Variants in SNRPN observed in about 807,000 individuals in gnomAD.
SNRPN encodes the protein small nuclear ribonucleoprotein-associated protein N.
SNRPN carries 7 observed loss-of-function variants against 25.2 expected under a neutral mutation model. That is an observed-to-expected ratio of 0.28 (90% confidence interval 0.16 to 0.52). The LOEUF is 0.52. SNRPN is among the 20% of genes least tolerant of loss of function. The pLI is 0.96. For missense variants in SNRPN, 196 were observed against 322.5 expected (o/e 0.61, Z 3.00); for synonymous variants, 124 against 110.6 (o/e 1.12, Z -0.76).
At chr15:24,974,921 G>C (rs950330414) in intron 4 of SNRPN, 20 of 702,834 alleles carry the variant, frequency 2.8e-5, no homozygotes, top group Non-Finnish European at 4.4e-5. Flanking sequence ...GATTCCACCA[G>C]TGGTGAAGGA....
intron 2 of SNRPN, among the ~76,000 whole-genome samples, chr15:24,967,469 A>G (rs1296842530): frequency 6.6e-6 from 1 of 151,904 alleles, no homozygotes; most frequent in Admixed American, 6.6e-5. Context: ...GTGAAACCCC[A>G]TCTCTACTAA....
chr15:24,856,243 C>G (rs6576390), upstream of SNRPN, among the ~76,000 whole-genome samples: 21,630 of 152,162 alleles, frequency 0.14, 1,763 homozygotes, highest in African/African-American at 0.22. Context: ...GAATAAAGAG[C>G]AGAATTTAGA....
intron 2 of SNRPN, among the ~76,000 whole-genome samples, chr15:24,901,798 C>T (rs1422499816): frequency 3.3e-5 from 5 of 152,014 alleles, no homozygotes; most frequent in Non-Finnish European, 5.9e-5. Flanking sequence ...TCCAAGTGCA[C>T]AGAACATAGG....
At chr15:24,893,940 C>T (rs185608759) in intron 2 of SNRPN, among the ~76,000 whole-genome samples, 1 of 152,292 alleles carries the variant, frequency 6.6e-6, no homozygotes, top group East Asian at 1.9e-4. Context: ...ATCCGTAAGC[C>T]TTTTATGACT....
intron 2 of SNRPN, chr15:24,848,266 G>GGGCGGGGGCGGCGGCGGGGT (rs1325326393): frequency 7.0e-6 from 1 of 142,358 alleles, no homozygotes; most frequent in Non-Finnish European, 1.5e-5. Context: ...GGGGGCGGGG[G>GGGCGGGGGCGGCGGCGGGGT]CGGGGGCAGA....
chr15:24,861,094 G>A (rs2053944612), intron 1 of SNRPN, among the ~76,000 whole-genome samples: 2 of 152,196 alleles, frequency 1.3e-5, no homozygotes, highest in Non-Finnish European at 2.9e-5. Flanking sequence ...GGGCAACAGA[G>A]TGAGACCCCA....
intron 2 of SNRPN, among the ~76,000 whole-genome samples, chr15:24,896,706 T>C (rs1206803056): frequency 6.7e-6 from 1 of 150,366 alleles, no homozygotes; most frequent in African/African-American, 2.5e-5. Context: ...AGAGCGAGAC[T>C]CCGTCTAAAA....
intron 1 of SNRPN, among the ~76,000 whole-genome samples, chr15:24,959,837 G>A (rs1458022493): frequency 1.3e-5 from 2 of 152,204 alleles, no homozygotes; most frequent in Non-Finnish European, 1.5e-5. Context: ...CTAGGAACAC[G>A]TATAATACGT....
At chr15:24,918,496 G>GTGTATATATAACATAATATATATGTT (rs2059714885) in intron 2 of SNRPN, among the ~76,000 whole-genome samples, 2 of 126,608 alleles carry the variant, frequency 1.6e-5, no homozygotes, top group Non-Finnish European at 3.3e-5. Context: ...ATATATATGT[G>GTGTATATATAACATAATATATATGTT]TGTATATATA....
At chr15:24,923,881 ATGTGTGTGTGTG>A (rs58343685) in intron 3 of SNRPN, among the ~76,000 whole-genome samples, 38 of 106,124 alleles carry the variant, frequency 3.6e-4, no homozygotes, top group Admixed American at 1.1e-3. Flanking sequence ...AGTGCCGTGT[ATGTGTGTGTGTG>A]TGTGTGTGTG....
chr15:24,909,453 C>G, intron 2 of SNRPN: 2 of 1,586,794 alleles, frequency 1.3e-6, no homozygotes, highest in Non-Finnish European at 1.7e-6. Context: ...CCAGTCACCT[C>G]CACTTGGCCT....
At chr15:24,972,830 G>A (rs1336615472) in intron 3 of SNRPN, among the ~76,000 whole-genome samples, 1 of 152,054 alleles carries the variant, frequency 6.6e-6, no homozygotes, top group Non-Finnish European at 1.5e-5. Flanking sequence ...GACTGCATAT[G>A]TCAGAGCAGT....
intron 2 of SNRPN, among the ~76,000 whole-genome samples, chr15:24,918,584 CATAATATATATGTATATATATAACAT>C (rs1566909333): frequency 2.4e-4 from 19 of 79,810 alleles, no homozygotes; most frequent in African/African-American, 9.8e-4. Flanking sequence ...ATATATATAA[CATAATATATATGTATATATATAACAT>C]AATATATATG....
intron 3 of SNRPN, among the ~76,000 whole-genome samples, chr15:24,931,460 T>C (rs2060848652): frequency 6.6e-6 from 1 of 152,034 alleles, no homozygotes; most frequent in African/African-American, 2.4e-5. Context: ...GGGTGTCTAC[T>C]GGACACTGGA....
At chr15:24,852,001 GTTAC>G (rs760922876), upstream of SNRPN, 62 of 152,262 alleles carry the variant, frequency 4.1e-4, 1 homozygote, top group African/African-American at 6.7e-4. Flanking sequence ...CATAGAAAAA[GTTAC>G]TTACATAAAT....
In SNRPN at chr15:24,962,146, A is replaced by G. The variant is rs762505215; in HGVS notation, c.-358A>G. ...TTACACCTGAGACGAACTACAGAAC[A>G]GCACGTACCAGAGGTGGAAGTCCAA... On this transcript the variant is annotated 5_prime_UTR_variant, in exon 2 of 10. Transcript: ENST00000390687. 1 of 1,614,192 alleles carries G rather than the reference A, an allele frequency of 6.2e-7. No individual in the cohort carries two copies. The highest frequency in any genetic ancestry group is 8.5e-7 in the Non-Finnish European group (1 of 1,180,038).
chr15:24,854,204 G>A (rs7175860), upstream of SNRPN, among the ~76,000 whole-genome samples: 17,000 of 152,172 alleles, frequency 0.11, 1,021 homozygotes, highest in Middle Eastern at 0.17. Flanking sequence ...AAGCCCTCAA[G>A]GCCTAATTAC....
intron 3 of SNRPN, among the ~76,000 whole-genome samples, chr15:24,926,402 C>T (rs968772570): frequency 6.6e-5 from 10 of 152,156 alleles, no homozygotes; most frequent in Non-Finnish European, 1.3e-4. Flanking sequence ...CACAGATGCA[C>T]ACATAAATTA....
intron 1 of SNRPN, among the ~76,000 whole-genome samples, chr15:24,874,522 A>C (rs774970999): frequency 2.0e-4 from 30 of 152,110 alleles, no homozygotes; most frequent in Non-Finnish European, 3.7e-4. Context: ...TAGTGTAATC[A>C]GCTGATGTTA....
Sources: allele counts gnomAD v4.1 joint callset (sites outside exome capture counted in the v4.1 genomes callset), GRCh38; gene constraint gnomAD v4.1.1; transcripts MANE v1.5; gene names NCBI Gene and HGNC (gene_info 2026-07-23, HGNC 2026-07-21).